Variants in EVI5L observed in about 807,000 individuals in gnomAD.
The protein encoded by EVI5L is EVI5-like protein.
EVI5L carries 30 observed loss-of-function variants against 106.1 expected under a neutral mutation model. The observed-to-expected ratio is 0.28, with a 90% CI of 0.21 to 0.38. EVI5L has a LOEUF of 0.38. Among genes scored for constraint, EVI5L ranks in the 10% least tolerant of loss-of-function variants. The pLI, the probability that EVI5L is intolerant of heterozygous loss-of-function variation, is 1.00. For synonymous variants in EVI5L, 489 were observed against 483.3 expected (o/e 1.01, Z -0.15); for missense variants, 809 against 1,098.0 (o/e 0.74, Z 3.72).
chr19:7,862,259 G>T lies in EVI5L; in HGVS notation c.1782G>T (p.Val594=). The T allele has an allele frequency of 6.3e-7, 1 of 1,579,218 alleles. No homozygotes were observed. Among genetic ancestry groups the T allele is most frequent in the Non-Finnish European group, 8.6e-7 (1 of 1,162,910 alleles). Residue 594 remains valine, a synonymous_variant, in exon 16 of 20, where the codon GTG becomes GTT. Transcript: ENST00000538904. ...AGGGCCGCGAGCTGCGGCAGCGCGT[G>T]GTGGAACTTGAGACGCAGGTGGACT... ...LAEGRELRQR[V]VELETQDHIH...
In EVI5L at chr19:7,857,336, G is replaced by A. The variant is rs1037832764; in HGVS notation, c.1233+212G>A. ...GGAGAAGGGTGTGTGTGGAGGGGCT[G>A]TGAGTGCGTTTGGGTGTGAATGTCC... On this transcript the variant is annotated intron_variant, in intron 12 of 19. Transcript: ENST00000538904. The surrounding 1 kb of genome is among the most constrained non-coding windows in gnomAD (Gnocchi z 4.5). 1.6e-5 allele frequency: 10 copies of A among 644,786 alleles called. No individual in the cohort carries two copies. In the Admixed American group the frequency reaches 2.6e-4, roughly 17 times the overall value. 39.9% of individuals were successfully genotyped at this position (644,786 alleles called of 1,614,324 possible).
chr19:7,842,940 T>C (rs190189935), intron 1 of EVI5L, among the ~76,000 whole-genome samples: 4 of 149,646 alleles, frequency 2.7e-5, no homozygotes, highest in South Asian at 2.2e-4. Context: ...GGTGTGCGTG[T>C]ATCCGAATGT....
intron 8 of EVI5L, chr19:7,852,717 A>ACT: frequency 6.4e-6 from 1 of 155,086 alleles, no homozygotes; most frequent in Non-Finnish European, 1.2e-5. Context: ...ATGTCCAGCT[A>ACT]ATTTTTTTTT....
chr19:7,843,682 G>A (rs1306041238), intron 1 of EVI5L, among the ~76,000 whole-genome samples: 3 of 152,014 alleles, frequency 2.0e-5, no homozygotes, highest in African/African-American at 7.3e-5. Context: ...ATGAGTGTGT[G>A]TGTGTGAGAA....
At chr19:7,855,114 CTTTTTT>C (rs200195743) in intron 10 of EVI5L, among the ~76,000 whole-genome samples, 3 of 132,636 alleles carry the variant, frequency 2.3e-5, no homozygotes, top group South Asian at 4.9e-4. Context: ...ATATCTTTTT[CTTTTTT>C]TTTTTTTTTT....
At chr19:7,849,702 C>T (rs774951538) in intron 5 of EVI5L, among the ~76,000 whole-genome samples, 4 of 152,154 alleles carry the variant, frequency 2.6e-5, no homozygotes, top group Non-Finnish European at 5.9e-5. Context: ...GGAGAGAGGA[C>T]GCAGCTGGGA....
chr19:7,836,082 C>T (rs975551981), intron 1 of EVI5L, among the ~76,000 whole-genome samples: 3 of 152,042 alleles, frequency 2.0e-5, no homozygotes, highest in African/African-American at 7.2e-5. Context: ...ACTAAAAATA[C>T]AAAAATTAGC....
In EVI5L at chr19:7,856,055, A is replaced by G; in HGVS notation, c.1187A>G (p.Glu396Gly). The G allele has an allele frequency of 7.5e-7, 1 of 1,330,238 alleles. No individual in the cohort carries two copies. 82.4% of individuals were successfully genotyped at this position (1,330,238 alleles called of 1,614,324 possible). The change falls in exon 11 of 20, where the codon GAA (glutamate) becomes GGA (glycine). Residue 396 changes from glutamate to glycine, a missense_variant. Physicochemically the swap from Glu to Gly is moderately conservative, Grantham distance 98. Transcript: ENST00000538904. This position sits in a 1 kb window ranked among gnomAD's most constrained non-coding sequence, Gnocchi z 6.6. ...AACCGGCTCCTGAAACAGCGGATTG[A>G]AACCCTAGAGAAGGTGAGGGGCGTG... ...TENRLLKQRIETLEKESAALA... is the reference protein window; with the variant it reads ...TENRLLKQRIGTLEKESAALA...
intron 1 of EVI5L, among the ~76,000 whole-genome samples, chr19:7,833,771 C>A (rs1016448751): frequency 6.6e-6 from 1 of 152,172 alleles, no homozygotes; most frequent in South Asian, 2.1e-4. Flanking sequence ...GGCTCCCCAG[C>A]AAAGGGGATC....
chr19:7,856,893 G>C lies in EVI5L; in HGVS notation c.1201-199G>C, dbSNP rs1200705823. 1 of 712,266 alleles carries C rather than the reference G, an allele frequency of 1.4e-6. No individual in the cohort carries two copies. The highest frequency in any genetic ancestry group is 2.5e-6 in the Non-Finnish European group (1 of 394,374). The allele number at this position is 712,266 out of a possible 1,614,324, so 44.1% of individuals were successfully genotyped here. ...CCCGCTCACACCGAACCCCTCTCCAGGACGGAGCTGGCTCTAGCTTTGGTC... is the reference window on the plus strand; with the variant it reads ...CCCGCTCACACCGAACCCCTCTCCACGACGGAGCTGGCTCTAGCTTTGGTC... On this transcript the variant is annotated intron_variant, in intron 11 of 19. Transcript: ENST00000538904. The surrounding 1 kb of genome is among the most constrained non-coding windows in gnomAD (Gnocchi z 6.6).
intron 10 of EVI5L, among the ~76,000 whole-genome samples, chr19:7,855,399 G>A (rs992938615): frequency 6.6e-6 from 1 of 152,114 alleles, no homozygotes. Flanking sequence ...GCCTAAAACC[G>A]CAAATATCTA....
rs4045095 is a variant in EVI5L, at chr19:7,831,226, A to AACACAC, written c.-48+887_-48+892dup. On this transcript the variant is annotated intron_variant, in intron 1 of 19. Transcript: ENST00000538904. ...GCCACCCATCTTTCTGAAAACCCCA[A>AACACAC]ACACACACACACACACACACACACA... Among the ~76,000 whole-genome samples the AACACAC allele has an allele frequency of 2.9e-3, 378 of 130,440 alleles. 1 individual carries two copies. Among genetic ancestry groups the AACACAC allele is most frequent in the Non-Finnish European group, 4.1e-3 (247 of 60,934 alleles). 85.6% of individuals were successfully genotyped at this position (130,440 alleles called of 152,430 possible). A position where few individuals can be genotyped will look rare whatever the true frequency, so the allele number is the denominator to read the frequency against.
chr19:7,847,781 C>T lies in EVI5L; in HGVS notation c.187C>T (p.Arg63Trp), dbSNP rs768297573. ...CATGCGCTCCATGAATGGCTCGCGGCGGAACAGTGGCTCCTCGCTAGTGTC... is the reference window on the plus strand; with the variant it reads ...CATGCGCTCCATGAATGGCTCGCGGTGGAACAGTGGCTCCTCGCTAGTGTC... ...KSMRSMNGSR[R>W]NSGSSLVSSS... The change falls in exon 3 of 20, where the codon CGG (arginine) becomes TGG (tryptophan). Residue 63 changes from arginine to tryptophan, a missense_variant. This residue lies in a region of EVI5L where 357 missense variants were observed against 588.1 expected (regional missense o/e 0.61). Coordinates refer to ENST00000538904, the MANE Select transcript of EVI5L (RefSeq NM_001159944.3). The T allele has an allele frequency of 2.5e-6, 4 of 1,613,220 alleles. No individual in the cohort carries two copies. Among genetic ancestry groups the T allele is most frequent in the South Asian group, 1.1e-5 (1 of 91,030 alleles).
At chr19:7,862,096 G>A (rs1440184675) in intron 15 of EVI5L, 26 bp from the exon 16 acceptor site, 8 of 1,551,956 alleles carry the variant, frequency 5.2e-6, no homozygotes, top group Non-Finnish European at 6.9e-6. Flanking sequence ...GAGGCTGACC[G>A]CCGGCTTCTC....
chr19:7,841,081 T>A (rs914073559), intron 1 of EVI5L, among the ~76,000 whole-genome samples: 2 of 152,112 alleles, frequency 1.3e-5, no homozygotes, highest in Non-Finnish European at 2.9e-5. Flanking sequence ...AAGGAGGGTC[T>A]GGGTGATTGT....
intron 14 of EVI5L, 58 bp downstream of exon 14, chr19:7,860,747 C>A: frequency 6.7e-7 from 1 of 1,498,114 alleles, no homozygotes; most frequent in South Asian, 1.3e-5. Context: ...CAGGAGGGGT[C>A]CTGGATAAGC....
chr19:7,847,710 T>G (rs140227216), intron 2 of EVI5L, 22 bp from the exon 3 acceptor site: 2 of 1,603,742 alleles, frequency 1.2e-6, no homozygotes. Context: ...CTGGTTCCCC[T>G]CTGTCGGCCC....
In EVI5L at chr19:7,863,803, G is replaced by A. The variant is rs865808491; in HGVS notation, c.*101G>A. 2.9e-6 allele frequency: 4 copies of A among 1,388,954 alleles called. No individual in the cohort carries two copies. The highest frequency in any genetic ancestry group is 3.7e-6 in the Non-Finnish European group (4 of 1,068,442). The allele number at this position is 1,388,954 out of a possible 1,614,324, so 86.0% of individuals were successfully genotyped here. On this transcript the variant is annotated 3_prime_UTR_variant, in exon 20 of 20. Transcript: ENST00000538904. The surrounding 1 kb of genome is among the most constrained non-coding windows in gnomAD (Gnocchi z 7.7). ...ACCTGCCGCACTTGACAAACTACGC[G>A]CCCTCTGTGGCTCGGCCACCCCTAA... is the stretch of plus-strand genomic sequence containing the variant.
At position 7,858,512 on chromosome 19, in the gene EVI5L, G is replaced by A. The variant is rs1979647977; in HGVS notation, c.1374+181G>A. On this transcript the variant is annotated intron_variant, in intron 13 of 19. Coordinates refer to ENST00000538904, the MANE Select transcript of EVI5L (RefSeq NM_001159944.3). This position sits in a 1 kb window ranked among gnomAD's most constrained non-coding sequence, Gnocchi z 5.7. ...TTCTCCCCCAGCAGCTCCACATTCT[G>A]AGACATCCTGATATCCATTTCTTGC... 3 of 744,058 alleles carry A rather than the reference G, an allele frequency of 4.0e-6. No homozygotes were observed. The highest frequency in any genetic ancestry group is 1.9e-5 in the South Asian group (1 of 52,860). The allele number at this position is 744,058 out of a possible 1,614,324, so 46.1% of individuals were successfully genotyped here. A position where few individuals can be genotyped will look rare whatever the true frequency, so the allele number is the denominator to read the frequency against.
Sources: gnomAD v4.1 joint callset for allele counts (sites outside exome capture counted in the v4.1 genomes callset) on GRCh38, gnomAD v4.1.1 for gene constraint, gnomAD v4.1.1 regional missense constraint, Gnocchi (gnomAD v3.1) non-coding constraint, MANE v1.5 for transcripts, NCBI Gene and HGNC (gene_info 2026-07-23, HGNC 2026-07-21) for gene names.